The following FOSL2 variants were observed in gnomAD, a reference collection of about 807,000 sequenced individuals.
FOSL2 encodes FOS like 2, AP-1 transcription factor subunit, also known as fos-related antigen 2.
In FOSL2, 3 loss-of-function variants were observed where a neutral mutation model predicts 27.7. The ratio of observed to expected loss-of-function variants is 0.11; its 90% CI spans 0.05 to 0.28. The LOEUF (loss-of-function observed/expected upper bound fraction) is 0.28. Among genes scored for constraint, FOSL2 ranks in the 10% least tolerant of loss-of-function variants. The pLI is 1.00. For missense variants in FOSL2, 333 were observed against 445.1 expected (o/e 0.75, Z 2.27); for synonymous variants, 179 against 190.1 (o/e 0.94, Z 0.48).
In FOSL2 at chr2:28,415,492, T is replaced by C. The variant is rs1377638695; in HGVS notation, c.*3044T>C. 6.6e-6 allele frequency: 1 copy of C among 152,222 alleles called. No homozygotes were observed. The highest frequency in any genetic ancestry group is 1.5e-5 in the Non-Finnish European group (1 of 68,040). 9.4% of individuals were successfully genotyped at this position (152,222 alleles called of 1,614,324 possible). On this transcript the variant is annotated 3_prime_UTR_variant, in exon 4 of 4. Transcript: ENST00000264716. ...AAGCCATCTGGGGCTGCTGCTTCTGTTTCTCAGGCTCTGGGGAAAGGAATC... is the reference window on the plus strand; with the variant it reads ...AAGCCATCTGGGGCTGCTGCTTCTGCTTCTCAGGCTCTGGGGAAAGGAATC...
chr2:28,414,154 A>G lies in FOSL2; in HGVS notation c.*1706A>G, dbSNP rs1196855588. ...GGGATTCAGCTCTAGAGGTCACAGT[A>G]TCCTCGTTTGAAAGATAATTAAGAT... On this transcript the variant is annotated 3_prime_UTR_variant, in exon 4 of 4. Coordinates refer to ENST00000264716, the MANE Select transcript of FOSL2 (RefSeq NM_005253.4). 7.3e-6 allele frequency: 2 copies of G among 272,802 alleles called. No individual in the cohort carries two copies. Among genetic ancestry groups the G allele is most frequent in the Non-Finnish European group, 1.4e-5 (2 of 146,004 alleles). 16.9% of individuals were successfully genotyped at this position (272,802 alleles called of 1,614,324 possible).
At chr2:28,407,958 T>TG (rs1329260488) in intron 2 of FOSL2, among the ~76,000 whole-genome samples, 1 of 152,200 alleles carries the variant, frequency 6.6e-6, no homozygotes, top group Non-Finnish European at 1.5e-5. Flanking sequence ...TTCCTTTGTT[T>TG]GGTTCGCAGA....
At chr2:28,411,878 G>C in intron 3 of FOSL2, 52 bp from the exon 4 acceptor site, 1 of 1,603,630 alleles carries the variant, frequency 6.2e-7, no homozygotes, top group South Asian at 1.1e-5. Flanking sequence ...TTCCTGCCTA[G>C]ATTGGTCCCT....
chr2:28,411,805 G>T (rs558086880), intron 3 of FOSL2, 125 bp from the exon 4 acceptor site: 1 of 962,240 alleles, frequency 1.0e-6, no homozygotes, highest in Non-Finnish European at 1.6e-6. Flanking sequence ...GACCAGCGGG[G>T]TCTGTGGTTA....
intron 1 of FOSL2, among the ~76,000 whole-genome samples, chr2:28,398,040 G>A (rs1323609590): frequency 6.6e-6 from 1 of 152,182 alleles, no homozygotes; most frequent in Non-Finnish European, 1.5e-5. Context: ...ACCAAAGCAG[G>A]CACCTTTGCC....
intron 3 of FOSL2, chr2:28,410,503 A>G: frequency 1.0e-6 from 1 of 983,096 alleles, no homozygotes; most frequent in East Asian, 1.1e-4. Context: ...GACGTTCGTC[A>G]GACCCTTGAG....
Position 28,404,960 on chromosome 2 carries a change from G to A in FOSL2, c.354+602G>A, listed in dbSNP as rs551893092. The stretch of plus-strand genomic sequence containing the variant: ...GCCTTAGGAGTCTGTTCAGTGGCAT[G>A]GACAGGAGGATGAGGCAGGGGAGGC... On this transcript the variant is annotated intron_variant, in intron 2 of 3. Transcript: ENST00000264716. The surrounding 1 kb of genome is among the most constrained non-coding windows in gnomAD (Gnocchi z 4.7). Among the ~76,000 whole-genome samples, 2 of 152,296 alleles carry A rather than the reference G, an allele frequency of 1.3e-5. No homozygotes were observed. The highest frequency in any genetic ancestry group is 3.9e-4 in the East Asian group (2 of 5,184).
rs1168456008 is a variant in FOSL2 at position 28,393,554 on chromosome 2, C to A, written c.-167C>A. On this transcript the variant is annotated 5_prime_UTR_variant, in exon 1 of 4. Transcript: ENST00000264716. This position sits in a 1 kb window ranked among gnomAD's most constrained non-coding sequence, Gnocchi z 4.6. ...GGGGGACGCTGTTCCTGAGGTGTCGCCGCCTCCCTGTCCTCGCCCTCCGCG... is the reference window on the plus strand; with the variant it reads ...GGGGGACGCTGTTCCTGAGGTGTCGACGCCTCCCTGTCCTCGCCCTCCGCG... 1 of 582,222 alleles carries A rather than the reference C, an allele frequency of 1.7e-6. No individual in the cohort carries two copies. Among genetic ancestry groups the A allele is most frequent in the Non-Finnish European group, 3.0e-6 (1 of 329,156 alleles). 36.1% of individuals were successfully genotyped at this position (582,222 alleles called of 1,614,324 possible).
intron 1 of FOSL2, among the ~76,000 whole-genome samples, chr2:28,400,049 C>A (rs1172818574): frequency 6.6e-6 from 1 of 152,146 alleles, no homozygotes; most frequent in Admixed American, 6.5e-5. Context: ...CAGGGTGACA[C>A]AGTGAAATAT....
chr2:28,412,459 C>T lies in FOSL2; in HGVS notation c.*11C>T, dbSNP rs774796016. 6.3e-7 allele frequency: 1 copy of T among 1,593,556 alleles called. No individual in the cohort carries two copies. The highest frequency in any genetic ancestry group is 1.7e-5 in the Admixed American group (1 of 59,904). Reference sequence around the variant, plus strand: ...CTGCTGGCTCTGTAACCCAGTGCACCTCCCTCCCCAGCTCCGGAGGGGGTC... The same window carrying T: ...CTGCTGGCTCTGTAACCCAGTGCACTTCCCTCCCCAGCTCCGGAGGGGGTC... On this transcript the variant is annotated 3_prime_UTR_variant, in exon 4 of 4. Transcript: ENST00000264716. This position sits in a 1 kb window ranked among gnomAD's most constrained non-coding sequence, Gnocchi z 7.1.
chr2:28,411,730 C>T, intron 3 of FOSL2, 200 bp from the exon 4 acceptor site: 1 of 620,766 alleles, frequency 1.6e-6, no homozygotes, highest in South Asian at 1.9e-5. Context: ...TACCCCCTCT[C>T]CAAGCTGACT....
Position 28,404,391 on chromosome 2 carries a change from C to A in FOSL2, c.354+33C>A. On this transcript the variant is annotated intron_variant, in intron 2 of 3. Transcript: ENST00000264716. This position sits in a 1 kb window ranked among gnomAD's most constrained non-coding sequence, Gnocchi z 4.7. ...TCAGACCAGTGGGAAGGAGCCACGT[C>A]AGTGGCTTTCAGAGCCCCAGAAACA... 1 of 1,586,400 alleles carries A rather than the reference C, an allele frequency of 6.3e-7. No homozygotes were observed. Among genetic ancestry groups the A allele is most frequent in the South Asian group, 1.1e-5 (1 of 88,214 alleles).
At position 28,413,913 on chromosome 2, in the gene FOSL2, GC is replaced by G. The variant is rs1164659680; in HGVS notation, c.*1470del. 1 of 398,360 alleles carries G rather than the reference GC, an allele frequency of 2.5e-6. No homozygotes were observed. The highest frequency in any genetic ancestry group is 3.6e-5 in the East Asian group (1 of 28,078). The allele number at this position is 398,360 out of a possible 1,614,324, so 24.7% of individuals were successfully genotyped here. ...TTTTGCTTCCCACTGCAGGAGAGCTGCCCCCTTTCACGGGGTTGGGGAAGGG... is the reference window on the plus strand; with the variant it reads ...TTTTGCTTCCCACTGCAGGAGAGCTGCCCCTTTCACGGGGTTGGGGAAGGG... On this transcript the variant is annotated 3_prime_UTR_variant, in exon 4 of 4. Coordinates refer to ENST00000264716, the MANE Select transcript of FOSL2 (RefSeq NM_005253.4).
chr2:28,399,522 C>T (rs1341788069), intron 1 of FOSL2, among the ~76,000 whole-genome samples: 1 of 152,112 alleles, frequency 6.6e-6, no homozygotes, highest in Non-Finnish European at 1.5e-5. Flanking sequence ...CACACGCATC[C>T]TTCCCAAGCA....
chr2:28,410,093 G>GTCTT (rs1448792212), intron 3 of FOSL2, among the ~76,000 whole-genome samples: 4 of 152,154 alleles, frequency 2.6e-5, no homozygotes, highest in African/African-American at 7.2e-5. Context: ...ACTTAGGCTT[G>GTCTT]TCTTTCTCTG....
intron 1 of FOSL2, chr2:28,396,985 A>G (rs1042177601): frequency 2.0e-5 from 3 of 152,260 alleles, no homozygotes; most frequent in South Asian, 4.1e-4. Flanking sequence ...TAGGAAAACT[A>G]TCTTGGGAAT....
In FOSL2 at chr2:28,415,600, A is replaced by G. The variant is rs983370893; in HGVS notation, c.*3152A>G. ...TTTTTCTCTTTTCCTTGATGGACCA[A>G]CAGTGCAAATGCAATCTCGCCATTT... is the stretch of plus-strand genomic sequence containing the variant. On this transcript the variant is annotated 3_prime_UTR_variant, in exon 4 of 4. Transcript: ENST00000264716. 5.9e-5 allele frequency: 9 copies of G among 152,210 alleles called. No individual in the cohort carries two copies. The highest frequency in any genetic ancestry group is 2.2e-4 in the African/African-American group (9 of 41,452). The allele number at this position is 152,210 out of a possible 1,614,324, so 9.4% of individuals were successfully genotyped here. A position where few individuals can be genotyped will look rare whatever the true frequency, so the allele number is the denominator to read the frequency against.
chr2:28,404,036 T>C lies in FOSL2; in HGVS notation c.103-71T>C. ...GTGCTGGTTTTTGCCTCAGCTCTGT[T>C]CAATTATTATTAACTATCCTGTTCA... On this transcript the variant is annotated intron_variant, in intron 1 of 3. Coordinates refer to ENST00000264716, the MANE Select transcript of FOSL2 (RefSeq NM_005253.4). This position sits in a 1 kb window ranked among gnomAD's most constrained non-coding sequence, Gnocchi z 4.7. The C allele has an allele frequency of 6.4e-7, 1 of 1,571,716 alleles. No homozygotes were observed. Among genetic ancestry groups the C allele is most frequent in the African/African-American group, 1.3e-5 (1 of 74,408 alleles).
intron 1 of FOSL2, among the ~76,000 whole-genome samples, chr2:28,395,064 C>T (rs1262354875): frequency 6.6e-6 from 1 of 152,178 alleles, no homozygotes; most frequent in African/African-American, 2.4e-5. Flanking sequence ...TTTCTGTCTT[C>T]CCTCTGCCTC....
Sources: gnomAD v4.1 joint callset for allele counts (sites outside exome capture counted in the v4.1 genomes callset) on GRCh38, gnomAD v4.1.1 for gene constraint, Gnocchi (gnomAD v3.1) non-coding constraint, MANE v1.5 for transcripts, NCBI Gene and HGNC (gene_info 2026-07-23, HGNC 2026-07-21) for gene names.